The following ADCY9 variants were observed in gnomAD, a reference collection of about 807,000 sequenced individuals.
ADCY9 encodes the protein adenylate cyclase 9.
Under a neutral mutation model 101.5 loss-of-function variants are expected in ADCY9, and 50 were observed. That is an observed-to-expected ratio of 0.49 (90% CI 0.39 to 0.62). The LOEUF is 0.62. Ranked by LOEUF, ADCY9 falls within the 20% of genes least tolerant of loss-of-function variation. The pLI is 0.00. For synonymous variants in ADCY9, 905 were observed against 769.3 expected (o/e 1.18, Z -2.92); for missense variants, 1,662 against 1,800.4 (o/e 0.92, Z 1.39).
intron 2 of ADCY9, among the ~76,000 whole-genome samples, chr16:4,072,663 T>G (rs908486564): frequency 6.6e-6 from 1 of 152,070 alleles, no homozygotes; most frequent in Non-Finnish European, 1.5e-5. Flanking sequence ...AAGGAAATAT[T>G]TGAAGAGATA....
chr16:4,115,163 TG>T lies in ADCY9; in HGVS notation c.279del (p.Lys94SerfsTer5). On this transcript the variant is annotated frameshift_variant, in exon 2 of 11. Coordinates refer to ENST00000294016, the MANE Select transcript of ADCY9 (RefSeq NM_001116.4). LOFTEE classifies it high-confidence loss of function. The surrounding 1 kb of genome is among the most constrained non-coding windows in gnomAD (Gnocchi z 6.2). ...TCCTCCAGGTTCACCGAGTCGAACT[TG>T]GGGTCCCACCAGCGGCTGGAGGCCC... ...FERASSRWWDPKFDSVNLEEA... is the reference protein window; with the variant it reads ...FERASSRWWDXKFDSVNLEEA... 1.2e-6 allele frequency: 2 copies of T among 1,613,778 alleles called. No individual in the cohort carries two copies. Among genetic ancestry groups the T allele is most frequent in the Non-Finnish European group, 1.7e-6 (2 of 1,179,996 alleles).
rs1347162597 is a variant in ADCY9 at position 4,105,429 on chromosome 16, TGA to T, written c.1693+8319_1693+8320del. On this transcript the variant is annotated intron_variant, in intron 2 of 10. Coordinates refer to ENST00000294016, the MANE Select transcript of ADCY9 (RefSeq NM_001116.4). ...GCTCACACCTATAATCCCAGCACTT[TGA>T]GAGGCTGAGGCGGGCAGATCACTTG... is the stretch of plus-strand genomic sequence containing the variant. 2.7e-5 allele frequency among the ~76,000 whole-genome samples: 4 copies of T among 150,636 alleles called. No homozygotes were observed. The East Asian group carries it at 7.8e-4, about 30-fold the overall frequency.
intron 6 of ADCY9, among the ~76,000 whole-genome samples, chr16:3,987,943 C>T (rs1348651141): frequency 6.6e-6 from 1 of 152,166 alleles, no homozygotes; most frequent in South Asian, 2.1e-4. Context: ...TTCCAGCAAC[C>T]CCCTAAGGAG....
rs1197238383 is a variant in ADCY9, at chr16:4,116,373, C to T, written c.-727G>A. Among the ~76,000 whole-genome samples, 2 of 146,172 alleles carry T rather than the reference C, an allele frequency of 1.4e-5. No homozygotes were observed. The highest frequency in any genetic ancestry group is 4.9e-5 in the African/African-American group (2 of 40,778). On this transcript the variant is annotated 5_prime_UTR_variant, in exon 1 of 11. Coordinates refer to ENST00000294016, the MANE Select transcript of ADCY9 (RefSeq NM_001116.4). ...GCCGCGCCCGCCGCCGTGTCCCCCG[C>T]GGCCGCTGCCTCATGTCGGAAGAGC... is the stretch of plus-strand genomic sequence containing the variant.
intron 3 of ADCY9, among the ~76,000 whole-genome samples, chr16:4,004,397 A>G (rs1313193844): frequency 1.3e-5 from 2 of 152,092 alleles, no homozygotes; most frequent in Non-Finnish European, 2.9e-5. Context: ...ATGTTACATT[A>G]GATAAGAATT....
At chr16:3,994,726 G>A (rs1192068985) in intron 3 of ADCY9, among the ~76,000 whole-genome samples, 1 of 152,154 alleles carries the variant, frequency 6.6e-6, no homozygotes, top group Non-Finnish European at 1.5e-5. Flanking sequence ...CCAAAGTGCT[G>A]GGATTACAAG....
At chr16:4,056,277 A>G (rs559305567) in intron 2 of ADCY9, among the ~76,000 whole-genome samples, 1 of 152,252 alleles carries the variant, frequency 6.6e-6, no homozygotes, top group African/African-American at 2.4e-5. Context: ...TGTTTTTGAG[A>G]CGAGTCTCAC....
intron 2 of ADCY9, among the ~76,000 whole-genome samples, chr16:4,083,284 A>C (rs528328793): frequency 6.6e-6 from 1 of 152,220 alleles, no homozygotes; most frequent in African/African-American, 2.4e-5. Flanking sequence ...TCACCTATAC[A>C]TAAGTTTTCT....
intron 2 of ADCY9, among the ~76,000 whole-genome samples, chr16:4,113,048 T>A (rs1263152902): frequency 6.6e-6 from 1 of 151,942 alleles, no homozygotes; most frequent in East Asian, 1.9e-4. Context: ...GGTACGTTTC[T>A]CCCTTCCAAA....
At chr16:4,036,457 TGTTTG>T (rs1315413986) in intron 2 of ADCY9, among the ~76,000 whole-genome samples, 2 of 105,846 alleles carry the variant, frequency 1.9e-5, no homozygotes, top group African/African-American at 5.9e-5. Flanking sequence ...TTTTGGGGTT[TGTTTG>T]TTTTTTTTTT....
Position 4,113,737 on chromosome 16 carries a change from G to A in ADCY9, c.1693+13C>T, listed in dbSNP as rs376097664. The A allele has an allele frequency of 1.2e-6, 2 of 1,603,614 alleles. No homozygotes were observed. The highest frequency in any genetic ancestry group is 1.7e-6 in the Non-Finnish European group (2 of 1,172,152). ...CAGGGAGGGGGGATGCCGAGGTAAA[G>A]CAGTGCACATACCTTTCAACTGGTC... On this transcript the variant is annotated intron_variant, in intron 2 of 10. Transcript: ENST00000294016.
intron 5 of ADCY9, 31 bp from the exon 6 acceptor site, chr16:3,989,127 T>C (rs765903900): frequency 3.3e-6 from 5 of 1,492,750 alleles, no homozygotes; most frequent in Non-Finnish European, 4.7e-6. Flanking sequence ...AGTCGATCAA[T>C]ACCCAGCACC....
chr16:4,076,723 AT>A (rs950027896), intron 2 of ADCY9, among the ~76,000 whole-genome samples: 9 of 150,694 alleles, frequency 6.0e-5, no homozygotes, highest in Non-Finnish European at 1.3e-4. Flanking sequence ...GGCATCAATA[AT>A]TTTTTTTTTA....
intron 2 of ADCY9, among the ~76,000 whole-genome samples, chr16:4,044,490 TC>T (rs2056649213): frequency 1.3e-5 from 2 of 152,194 alleles, no homozygotes; most frequent in Admixed American, 1.3e-4. Context: ...AAAAAAGGCT[TC>T]CCATATAGTA....
chr16:3,968,569 C>T (rs1175212435), intron 10 of ADCY9, among the ~76,000 whole-genome samples: 4 of 152,182 alleles, frequency 2.6e-5, no homozygotes, highest in African/African-American at 9.7e-5. Flanking sequence ...TTGCCGAAAT[C>T]ACTCAGGACA....
Position 3,983,436 on chromosome 16 carries a change from A to G in ADCY9, c.2315T>C (p.Ile772Thr), listed in dbSNP as rs760570249. Residue 772 changes from isoleucine (I) to threonine (T), a missense_variant, in exon 7 of 11, where the codon ATA (isoleucine) becomes ACA (threonine). Physicochemically the swap from Ile to Thr is moderately conservative, Grantham distance 89 (BLOSUM62 -1). Transcript: ENST00000294016. ...AAACGTCTTCACGGGGGAGTTCTTT[A>G]TGACCTGTGTGGAGCAGGAGTGGAG... is the stretch of plus-strand genomic sequence containing the variant. ...SYRTSYQEEV[I>T]KNSPVKTFAS... The G allele has an allele frequency of 6.3e-7, 1 of 1,599,728 alleles. No individual in the cohort carries two copies. Among genetic ancestry groups the G allele is most frequent in the Admixed American group, 1.7e-5 (1 of 57,822 alleles).
chr16:3,987,974 C>G (rs73508323), intron 6 of ADCY9, among the ~76,000 whole-genome samples: 75 of 147,890 alleles, frequency 5.1e-4, no homozygotes, highest in African/African-American at 2.0e-3. Context: ...CGCTGGGACT[C>G]TGCTGGAGGC....
chr16:4,020,548 G>A (rs558402438), intron 2 of ADCY9, among the ~76,000 whole-genome samples: 41 of 152,244 alleles, frequency 2.7e-4, no homozygotes, highest in Non-Finnish European at 5.0e-4. Context: ...TAAGCCAGGC[G>A]TGGTGGCTCA....
chr16:4,036,273 T>A (rs1433104882), intron 2 of ADCY9, among the ~76,000 whole-genome samples: 1 of 151,922 alleles, frequency 6.6e-6, no homozygotes, highest in Non-Finnish European at 1.5e-5. Context: ...ACACACCACG[T>A]CCCCTTATGA....
Sources: allele counts gnomAD v4.1 joint callset (sites outside exome capture counted in the v4.1 genomes callset), GRCh38; gene constraint gnomAD v4.1.1; non-coding constraint Gnocchi (gnomAD v3.1); transcripts MANE v1.5; gene names NCBI Gene and HGNC (gene_info 2026-07-23, HGNC 2026-07-21).